The following ZDHHC20 variants were observed in gnomAD, a reference collection of about 807,000 sequenced individuals.
The protein encoded by ZDHHC20 is zDHHC palmitoyltransferase 20, also known as palmitoyltransferase ZDHHC20.
A neutral mutation model predicts 57.8 loss-of-function variants in ZDHHC20; 43 were observed. That is an observed-to-expected ratio of 0.74 (90% CI 0.58 to 0.96). The LOEUF is 0.96. Ranked by LOEUF, ZDHHC20 falls within the 40% of genes least tolerant of loss-of-function variation. ZDHHC20 has a pLI of 0.00. For synonymous variants in ZDHHC20, 157 were observed against 153.0 expected (o/e 1.03, Z -0.19); for missense variants, 391 against 441.1 (o/e 0.89, Z 1.02).
intron 1 of ZDHHC20, among the ~76,000 whole-genome samples, chr13:21,453,033 T>C (rs767557798): frequency 2.0e-5 from 3 of 152,152 alleles, no homozygotes; most frequent in Non-Finnish European, 4.4e-5. Context: ...GGCAGAGATT[T>C]TCAGGTTGGA....
chr13:21,406,544 C>A (rs1878473460), intron 4 of ZDHHC20, among the ~76,000 whole-genome samples: 1 of 152,018 alleles, frequency 6.6e-6, no homozygotes, highest in African/African-American at 2.4e-5. Flanking sequence ...TCCCCTCCAC[C>A]CCCCGACAGG....
At chr13:21,399,863 G>A (rs545859848) in intron 7 of ZDHHC20, among the ~76,000 whole-genome samples, 1 of 152,110 alleles carries the variant, frequency 6.6e-6, no homozygotes, top group Admixed American at 6.5e-5. Flanking sequence ...TTCTTAAGCT[G>A]CATTGCATTC....
chr13:21,400,413 A>C lies in ZDHHC20; in HGVS notation c.554T>G (p.Val185Gly). Reference protein sequence around the residue: ...LLYSLLYCLFVAATVLEYFIK... With the variant: ...LLYSLLYCLFGAATVLEYFIK... ...AAAGTACTCTAAAACTGTTGCAGCC[A>C]CGAAAAGGCAATATAATAGGGAATA... Residue 185 changes from valine to glycine, a missense_variant, in exon 7 of 13, where the codon GTG becomes GGG. Val to Gly is a moderately radical substitution (Grantham distance 109). Transcript: ENST00000400590. The C allele has an allele frequency of 2.5e-6, 4 of 1,603,094 alleles. No individual in the cohort carries two copies. The highest frequency in any genetic ancestry group is 3.4e-6 in the Non-Finnish European group (4 of 1,176,580).
chr13:21,431,173 A>G (rs952076153), intron 1 of ZDHHC20, among the ~76,000 whole-genome samples: 1 of 152,206 alleles, frequency 6.6e-6, no homozygotes, highest in Non-Finnish European at 1.5e-5. Flanking sequence ...AGGAAGAAAA[A>G]GAGGTTTAAT....
In ZDHHC20 at chr13:21,419,632, C is replaced by CA. The variant is rs575494080; in HGVS notation, c.249+1428dup. 3.3e-4 allele frequency among the ~76,000 whole-genome samples: 50 copies of CA among 152,324 alleles called. No homozygotes were observed. In the South Asian group the frequency reaches 0.01, roughly 32 times the overall value. On this transcript the variant is annotated intron_variant, in intron 3 of 12. Transcript: ENST00000400590. ...ATGACTATGACTATACACATACACA[C>CA]ACCACTAGAAAACTCCATTTATATT...
At chr13:21,435,330 A>C (rs1388344906) in intron 1 of ZDHHC20, among the ~76,000 whole-genome samples, 1 of 152,122 alleles carries the variant, frequency 6.6e-6, no homozygotes, top group Non-Finnish European at 1.5e-5. Context: ...CTAATGCTTG[A>C]ATGTTTCCAT....
intron 3 of ZDHHC20, 139 bp downstream of exon 3, chr13:21,420,922 A>C: frequency 1.6e-6 from 1 of 644,164 alleles, no homozygotes. Context: ...ACTCACATTC[A>C]CAGTACAGAG....
At chr13:21,413,060 G>A (rs186419740) in intron 4 of ZDHHC20, among the ~76,000 whole-genome samples, 1 of 146,930 alleles carries the variant, frequency 6.8e-6, no homozygotes, top group African/African-American at 2.5e-5. Flanking sequence ...GTATTTAAAC[G>A]ACCAGCCACT....
chr13:21,411,003 G>A (rs548593617), intron 4 of ZDHHC20, among the ~76,000 whole-genome samples: 3 of 152,344 alleles, frequency 2.0e-5, no homozygotes, highest in African/African-American at 7.2e-5. Context: ...GGCACCCGAG[G>A]GAATCTCCTG....
At chr13:21,396,367 T>G (rs1388465090) in intron 7 of ZDHHC20, among the ~76,000 whole-genome samples, 2 of 152,082 alleles carry the variant, frequency 1.3e-5, no homozygotes, top group African/African-American at 4.8e-5. Flanking sequence ...AATCAGAGAT[T>G]TAAAGGTAAA....
chr13:21,426,851 G>A (rs574449102), intron 1 of ZDHHC20, among the ~76,000 whole-genome samples: 63 of 151,992 alleles, frequency 4.1e-4, no homozygotes, highest in Non-Finnish European at 7.4e-4. Flanking sequence ...AAGTGAATCC[G>A]CCCACCTCAG....
At chr13:21,424,710 CAA>C (rs10709528) in intron 2 of ZDHHC20, among the ~76,000 whole-genome samples, 54 of 124,980 alleles carry the variant, frequency 4.3e-4, no homozygotes, top group Non-Finnish European at 4.4e-4. Flanking sequence ...GACTCTGTCT[CAA>C]AAAAAAAAAA....
At chr13:21,444,664 T>A (rs563481817) in intron 1 of ZDHHC20, among the ~76,000 whole-genome samples, 1 of 152,356 alleles carries the variant, frequency 6.6e-6, no homozygotes, top group African/African-American at 2.4e-5. Flanking sequence ...CAGCCTTCTC[T>A]ACGTGAAAGT....
intron 4 of ZDHHC20, among the ~76,000 whole-genome samples, chr13:21,413,368 T>C (rs1329509596): frequency 6.6e-6 from 1 of 152,074 alleles, no homozygotes; most frequent in African/African-American, 2.4e-5. Flanking sequence ...CTAAGAATAA[T>C]AATTAAAATT....
intron 2 of ZDHHC20, among the ~76,000 whole-genome samples, chr13:21,422,320 A>T (rs1880736208): frequency 1.3e-5 from 2 of 151,926 alleles, no homozygotes; most frequent in African/African-American, 4.8e-5. Context: ...TGTAAAAGCT[A>T]ACATGTATTC....
chr13:21,392,239 ACTTCC>A (rs1315937980), intron 7 of ZDHHC20, among the ~76,000 whole-genome samples: 2 of 151,866 alleles, frequency 1.3e-5, no homozygotes, highest in Non-Finnish European at 2.9e-5. Context: ...CAATAGCAAT[ACTTCC>A]AGTAATAAAG....
chr13:21,435,696 C>A (rs1384044609), intron 1 of ZDHHC20, among the ~76,000 whole-genome samples: 3 of 152,174 alleles, frequency 2.0e-5, no homozygotes, highest in Non-Finnish European at 4.4e-5. Flanking sequence ...CACCATTTGG[C>A]AACCAGGACA....
chr13:21,448,594 G>T (rs1260720937), intron 1 of ZDHHC20, among the ~76,000 whole-genome samples: 8 of 75,914 alleles, frequency 1.1e-4, no homozygotes, highest in South Asian at 3.5e-4. Flanking sequence ...GGAGGGAGGT[G>T]GGGGGGTCAG....
intron 12 of ZDHHC20, 79 bp downstream of exon 12, chr13:21,378,582 A>T (rs987328942): frequency 1.2e-6 from 1 of 828,592 alleles, no homozygotes; most frequent in Non-Finnish European, 1.6e-6. Context: ...CTAAAAAAAT[A>T]CAACTGCAAA....
Sources: allele counts gnomAD v4.1 joint callset (sites outside exome capture counted in the v4.1 genomes callset), GRCh38; gene constraint gnomAD v4.1.1; transcripts MANE v1.5; gene names NCBI Gene and HGNC (gene_info 2026-07-23, HGNC 2026-07-21).